Variants in PLAC1 observed in about 807,000 individuals in gnomAD.
PLAC1 encodes placenta-specific protein 1.
For missense variants in PLAC1, 136 were observed against 163.2 expected (o/e 0.83, Z 0.91); for synonymous variants, 68 against 62.1 (o/e 1.09, Z -0.44).
rs374183016 is a variant in PLAC1, at chrX:134,590,075, G to A, written c.-59+11976C>T. Among the ~76,000 whole-genome samples, 52 of 107,935 alleles carry A rather than the reference G, an allele frequency of 4.8e-4. No homozygotes were observed. In the South Asian group the frequency reaches 6.5e-3, roughly 14 times the overall value. 93.7% of individuals were successfully genotyped at this position (107,935 alleles called of 115,157 possible). ...CCGGGCGTGGTGGTACGTGCCTGTA[G>A]TCCCAGCTACTTGGGAGGCTGAGGC... On this transcript the variant is annotated intron_variant, in intron 2 of 2. Coordinates refer to ENST00000359237, the MANE Select transcript of PLAC1 (RefSeq NM_021796.4).
At chrX:134,627,606 A>C (rs2078242487) in intron 1 of PLAC1, among the ~76,000 whole-genome samples, 1 of 112,689 alleles carries the variant, frequency 8.9e-6, no homozygotes, top group Non-Finnish European at 1.9e-5. Flanking sequence ...TCTCCACGAT[A>C]TCCTAAATGG....
intron 1 of PLAC1, among the ~76,000 whole-genome samples, chrX:134,763,823 AAAAAG>A (rs1160302723): frequency 3.7e-4 from 24 of 65,303 alleles, no homozygotes; most frequent in Non-Finnish European, 5.8e-5. Context: ...CTCCGAAAAA[AAAAAG>A]AAAGAAAGAA....
intron 2 of PLAC1, among the ~76,000 whole-genome samples, chrX:134,665,673 C>T (rs1000150953): frequency 9.0e-6 from 1 of 110,854 alleles, no homozygotes. Context: ...AGCTGAGAGA[C>T]GACAGGTTGA....
chrX:134,593,549 T>A (rs1345005572), intron 2 of PLAC1, among the ~76,000 whole-genome samples: 1 of 112,442 alleles, frequency 8.9e-6, no homozygotes, highest in Non-Finnish European at 1.9e-5. Context: ...CATGGTATGC[T>A]TCTCCATTGA....
At chrX:134,680,604 T>TAAACAAAACTAAACA (rs746073865) in intron 2 of PLAC1, among the ~76,000 whole-genome samples, 1 of 102,631 alleles carries the variant, frequency 9.7e-6, no homozygotes, top group Non-Finnish European at 2.0e-5. Flanking sequence ...TAAACTAAAC[T>TAAACAAAACTAAACA]AAACACCTTC....
intron 1 of PLAC1, among the ~76,000 whole-genome samples, chrX:134,734,590 C>T (rs1456002207): frequency 1.8e-5 from 2 of 112,546 alleles, no homozygotes; most frequent in South Asian, 3.7e-4. Flanking sequence ...GACTTGCTAC[C>T]GCGAACAGCC....
intron 1 of PLAC1, among the ~76,000 whole-genome samples, chrX:134,747,853 C>T (rs2078732505): frequency 8.9e-6 from 1 of 111,754 alleles, no homozygotes; most frequent in Non-Finnish European, 1.9e-5. Flanking sequence ...TGGCTTCCCA[C>T]CCTAGACAAG....
intron 2 of PLAC1, among the ~76,000 whole-genome samples, chrX:134,569,988 C>T (rs1222523752): frequency 9.1e-6 from 1 of 110,427 alleles, no homozygotes; most frequent in Non-Finnish European, 1.9e-5. Flanking sequence ...CGCCACCATG[C>T]CCTGCTAATT....
intron 2 of PLAC1, among the ~76,000 whole-genome samples, chrX:134,706,571 GAA>G (rs1041127645): frequency 1.8e-5 from 2 of 112,168 alleles, no homozygotes; most frequent in East Asian, 2.8e-4. Flanking sequence ...ATTTGAATGA[GAA>G]AAGACATTCA....
intron 2 of PLAC1, among the ~76,000 whole-genome samples, chrX:134,667,768 A>AT (rs1556128148): frequency 8.3e-5 from 9 of 109,033 alleles, no homozygotes; most frequent in African/African-American, 2.7e-4. Context: ...TAAAAAAAAA[A>AT]TTTTTTTAAA....
At chrX:134,680,413 G>T (rs2078490629) in intron 2 of PLAC1, among the ~76,000 whole-genome samples, 1 of 111,061 alleles carries the variant, frequency 9.0e-6, no homozygotes, top group South Asian at 3.8e-4. Context: ...ATGCCAGCGT[G>T]CCCTGGAGCT....
chrX:134,762,781 C>T (rs777110804), intron 1 of PLAC1, among the ~76,000 whole-genome samples: 3 of 90,744 alleles, frequency 3.3e-5, no homozygotes, highest in African/African-American at 1.3e-4. Context: ...GAGATCATGC[C>T]ACTGCACTCC....
intron 2 of PLAC1, among the ~76,000 whole-genome samples, chrX:134,581,758 C>T (rs1388415009): frequency 9.0e-6 from 1 of 110,999 alleles, no homozygotes; most frequent in African/African-American, 3.3e-5. Flanking sequence ...GGATTACAGG[C>T]GTGAGCCACC....
At chrX:134,672,497 T>C (rs2078459021) in intron 2 of PLAC1, among the ~76,000 whole-genome samples, 1 of 112,217 alleles carries the variant, frequency 8.9e-6, no homozygotes, top group South Asian at 3.7e-4. Context: ...GTAGCTGTAC[T>C]AAAATCAGGC....
chrX:134,731,005 T>A (rs1364872466), intron 2 of PLAC1, among the ~76,000 whole-genome samples: 1 of 111,573 alleles, frequency 9.0e-6, no homozygotes, highest in Non-Finnish European at 1.9e-5. Flanking sequence ...ATGTTGATGG[T>A]GCCCATACCT....
intron 1 of PLAC1, among the ~76,000 whole-genome samples, chrX:134,637,172 T>A (rs1432942627): frequency 2.7e-5 from 3 of 111,869 alleles, no homozygotes; most frequent in Non-Finnish European, 5.6e-5. Context: ...ATGGAGTCCC[T>A]CATGAGCTAT....
chrX:134,651,133 C>A, intron 1 of PLAC1: 1 of 274,588 alleles, frequency 3.6e-6, no homozygotes, highest in South Asian at 4.9e-5. Flanking sequence ...AGAATTCTGC[C>A]TAAGCCAACT....
At chrX:134,662,916 G>A (rs1364223093), upstream of PLAC1, among the ~76,000 whole-genome samples, 1 of 112,018 alleles carries the variant, frequency 8.9e-6, no homozygotes, top group African/African-American at 3.2e-5. Context: ...GTGACAGAGC[G>A]AGATCCTGTC....
intron 1 of PLAC1, chrX:134,760,202 G>T (rs2078766487): frequency 9.0e-6 from 1 of 110,977 alleles, no homozygotes; most frequent in Admixed American, 9.6e-5. Flanking sequence ...TCTATTTTTA[G>T]TTTAGTCTCC....
Sources: allele counts gnomAD v4.1 joint callset (sites outside exome capture counted in the v4.1 genomes callset), GRCh38; gene constraint gnomAD v4.1.1; transcripts MANE v1.5; gene names NCBI Gene and HGNC (gene_info 2026-07-23, HGNC 2026-07-21).